The following RBFOX1 variants were observed in gnomAD, a reference collection of about 807,000 sequenced individuals.
The protein encoded by RBFOX1 is RNA binding protein fox-1 homolog 1.
Under a neutral mutation model 57.7 loss-of-function variants are expected in RBFOX1, and 8 were observed. The ratio of observed to expected loss-of-function variants is 0.14; its 90% CI spans 0.08 to 0.25. The LOEUF (loss-of-function observed/expected upper bound fraction) is 0.25, where lower values mean the gene tolerates loss of function less well. Among genes scored for constraint, RBFOX1 ranks in the 10% least tolerant of loss-of-function variants. The pLI is 1.00. For synonymous variants in RBFOX1, 326 were observed against 222.4 expected, an observed-to-expected ratio of 1.47 and a Z score of -4.15; for missense variants, 611 against 548.5, an observed-to-expected ratio of 1.11 and a Z score of -1.14.
At position 6,563,853 on chromosome 16, in the gene RBFOX1, T is replaced by C. The variant is rs969949179; in HGVS notation, c.-63-90750T>C. Among the ~76,000 whole-genome samples the C allele has an allele frequency of 2.6e-5, 4 of 151,790 alleles. No individual in the cohort carries two copies. In the South Asian group the frequency reaches 8.3e-4, roughly 32 times the overall value. ...AAAAAAAAATATATATATATGTGTG[T>C]GTGTGTGTGTATGTATGTATATGTA... On this transcript the variant is annotated intron_variant, in intron 2 of 15. Coordinates refer to ENST00000550418, the MANE Select transcript of RBFOX1 (RefSeq NM_018723.4).
At chr16:7,584,359 C>A (rs903761163) in intron 6 of RBFOX1, among the ~76,000 whole-genome samples, 1 of 152,186 alleles carries the variant, frequency 6.6e-6, no homozygotes, top group Non-Finnish European at 1.5e-5. Context: ...ATGGCACAAT[C>A]TTGGTTCACT....
chr16:5,870,589 C>T (rs1437327157), intron 4 of RBFOX1, among the ~76,000 whole-genome samples: 3 of 151,858 alleles, frequency 2.0e-5, no homozygotes, highest in African/African-American at 7.3e-5. Flanking sequence ...ATTCCAGTCT[C>T]CCATTTCCCA....
chr16:6,240,969 C>A (rs1489306750), intron 1 of RBFOX1, among the ~76,000 whole-genome samples: 1 of 152,156 alleles, frequency 6.6e-6, no homozygotes, highest in East Asian at 1.9e-4. Context: ...GATGTTTTTC[C>A]CCTTTACCGT....
chr16:5,512,407 C>T lies in RBFOX1; in HGVS notation c.258+45153C>T, dbSNP rs116593348. Among the ~76,000 whole-genome samples the T allele has an allele frequency of 5.6e-3, 766 of 136,214 alleles. 11 individuals are homozygous for T. The highest frequency in any genetic ancestry group is 0.024 in the African/African-American group (736 of 31,256). The allele number at this position is 136,214 out of a possible 152,430, so 89.4% of individuals were successfully genotyped here. Reference sequence around the variant, plus strand: ...CCTTCCTCTCTTCTTCTTCCTCCTACTCCTCTCTCTTTCTCTCTCTCTCTC... The same window carrying T: ...CCTTCCTCTCTTCTTCTTCCTCCTATTCCTCTCTCTTTCTCTCTCTCTCTC... On this transcript the variant is annotated intron_variant, in intron 2 of 2. Coordinates refer to the RBFOX1 transcript ENST00000585867.
intron 1 of RBFOX1, among the ~76,000 whole-genome samples, chr16:5,279,015 G>A (rs1333865596): frequency 6.6e-6 from 1 of 152,246 alleles, no homozygotes; most frequent in South Asian, 2.1e-4. Flanking sequence ...TTTAAATCAG[G>A]TAGTGTGAGG....
rs568594909 is a variant in RBFOX1, at chr16:7,464,053, A to G, written c.28-54094A>G. Among the ~76,000 whole-genome samples, 30 of 152,350 alleles carry G rather than the reference A, an allele frequency of 2.0e-4. 1 individual carries two copies. The South Asian group carries it at 6.0e-3, about 31-fold the overall frequency. ...AAGCCTTGGCTGCTAATCTTTTTGCATAACCCATGTCTTCCTTGTATCTAT... is the reference window on the plus strand; with the variant it reads ...AAGCCTTGGCTGCTAATCTTTTTGCGTAACCCATGTCTTCCTTGTATCTAT... On this transcript the variant is annotated intron_variant, in intron 4 of 15. Transcript: ENST00000550418.
intron 3 of RBFOX1, among the ~76,000 whole-genome samples, chr16:6,772,887 G>C (rs1314028364): frequency 6.7e-6 from 1 of 148,542 alleles, no homozygotes; most frequent in East Asian, 2.1e-4. Flanking sequence ...TGGGCGTGGG[G>C]TGCATTTGTG....
intron 2 of RBFOX1, among the ~76,000 whole-genome samples, chr16:6,564,636 GT>G (rs535278960): frequency 3.2e-4 from 49 of 152,214 alleles, no homozygotes; most frequent in African/African-American, 1.1e-3. Context: ...GGTTGGCAAG[GT>G]TTGGGGGTGG....
chr16:6,421,567 G>T (rs1320331770), intron 2 of RBFOX1, among the ~76,000 whole-genome samples: 1 of 152,134 alleles, frequency 6.6e-6, no homozygotes, highest in African/African-American at 2.4e-5. Flanking sequence ...CATGGAGGTG[G>T]CTCAAATATA....
At chr16:5,931,370 C>G (rs1195890363) in intron 4 of RBFOX1, among the ~76,000 whole-genome samples, 1 of 152,058 alleles carries the variant, frequency 6.6e-6, no homozygotes, top group East Asian at 1.9e-4. Flanking sequence ...CATCACTTGG[C>G]CATATCTGGA....
chr16:6,336,177 ATATATTTTTTTTTTTTTTTTTTTT>A (rs1274603776), intron 2 of RBFOX1, among the ~76,000 whole-genome samples: 90 of 26,424 alleles, frequency 3.4e-3, no homozygotes, highest in African/African-American at 0.012. Flanking sequence ...ATATATATAT[ATATATTTTTTTTTTTTTTTTTTTT>A]TTTTTTTTTT....
intron 1 of RBFOX1, among the ~76,000 whole-genome samples, chr16:6,151,347 A>G (rs926196234): frequency 6.6e-6 from 1 of 151,966 alleles, no homozygotes; most frequent in African/African-American, 2.4e-5. Flanking sequence ...GTGCAGTGGC[A>G]CGATCTCGGC....
intron 4 of RBFOX1, among the ~76,000 whole-genome samples, chr16:5,884,475 C>G (rs12935350): frequency 0.076 from 11,249 of 148,456 alleles, 480 homozygotes; most frequent in East Asian, 0.15. Flanking sequence ...CCCCCCTACC[C>G]CCGCCCCCGG....
intron 3 of RBFOX1, among the ~76,000 whole-genome samples, chr16:6,952,185 A>G (rs567192772): frequency 6.6e-6 from 1 of 152,236 alleles, no homozygotes; most frequent in East Asian, 1.9e-4. Flanking sequence ...ACTCTGAGAG[A>G]AGGAATCCTT....
chr16:6,919,189 G>T (rs1489251256), intron 3 of RBFOX1, among the ~76,000 whole-genome samples: 1 of 151,952 alleles, frequency 6.6e-6, no homozygotes, highest in African/African-American at 2.4e-5. Flanking sequence ...CACCATGTTG[G>T]CCAGGCTGGT....
chr16:6,906,081 T>C (rs957251172), intron 3 of RBFOX1, among the ~76,000 whole-genome samples: 4 of 151,166 alleles, frequency 2.6e-5, no homozygotes, highest in African/African-American at 7.4e-5. Context: ...ATACTTTGTC[T>C]TCGATGGAAC....
Position 5,769,861 on chromosome 16 carries a change from C to A in RBFOX1, c.319-97442C>A, listed in dbSNP as rs186212231. 1.1e-3 allele frequency among the ~76,000 whole-genome samples: 169 copies of A among 152,212 alleles called. 1 individual carries two copies. The highest frequency in any genetic ancestry group is 4.0e-3 in the African/African-American group (166 of 41,536). On this transcript the variant is annotated intron_variant, in intron 3 of 19. Coordinates refer to the RBFOX1 transcript ENST00000641259. Reference sequence around the variant, plus strand: ...AGTAAATTTCTGTTGTTTGAGCCACCCAATTTGTGGTACTTTGTCATGACA... The same window carrying A: ...AGTAAATTTCTGTTGTTTGAGCCACACAATTTGTGGTACTTTGTCATGACA...
At chr16:5,388,749 G>T (rs2066322522) in intron 1 of RBFOX1, among the ~76,000 whole-genome samples, 2 of 151,152 alleles carry the variant, frequency 1.3e-5, no homozygotes, top group Admixed American at 1.3e-4. Flanking sequence ...TAATTTTTTT[G>T]TAATTTTAAT....
At chr16:5,598,862 C>A in intron 2 of RBFOX1, 1 of 1,434,682 alleles carries the variant, frequency 7.0e-7, no homozygotes. Flanking sequence ...CTCAACCCGG[C>A]TTCCCCAACC....
Sources: gnomAD v4.1 joint callset for allele counts (sites outside exome capture counted in the v4.1 genomes callset) on GRCh38, gnomAD v4.1.1 for gene constraint, MANE v1.5 for transcripts, NCBI Gene and HGNC (gene_info 2026-07-23, HGNC 2026-07-21) for gene names.